POLQ: variants seen among roughly 807,000 people sequenced by gnomAD.
POLQ encodes the protein DNA polymerase theta, also known as epididymis secretory sperm binding protein.
Under a neutral mutation model 259.2 loss-of-function variants are expected in POLQ, and 233 were observed. The ratio of observed to expected loss-of-function variants is 0.90; its 90% CI spans 0.81 to 1.00. The LOEUF is 1.00. Ranked by LOEUF, POLQ falls within the 50% of genes least tolerant of loss-of-function variation. POLQ has a pLI of 0.00. For missense variants in POLQ, 2,871 were observed against 3,051.6 expected (o/e 0.94, Z 1.39); for synonymous variants, 1,025 against 1,048.8 (o/e 0.98, Z 0.44).
intron 20 of POLQ, among the ~76,000 whole-genome samples, 173 bp downstream of exon 20, chr3:121,476,367 A>G (rs759565094): frequency 1.3e-5 from 2 of 152,148 alleles, no homozygotes; most frequent in Non-Finnish European, 2.9e-5. Context: ...AAATACAGAT[A>G]TAATTTACAA....
At position 121,489,121 on chromosome 3, in the gene POLQ, T is replaced by C. The variant is rs147722646; in HGVS notation, c.3810A>G (p.Pro1270=). The change falls in exon 16 of 30, where the codon CCA becomes CCG. Residue 1270 remains proline (P), a synonymous_variant. Transcript: ENST00000264233. ...SRTVIPSEVL[P]SAGAFSKSEG... is the part of the protein sequence containing the mutation. ...CTGATTTGCTAAATGCTCCAGCTGA[T>C]GGAAGTACTTCACTGGGTATCACAG... 1.1e-5 allele frequency: 18 copies of C among 1,613,768 alleles called. No homozygotes were observed. The African/African-American group carries it at 2.3e-4, about 20-fold the overall frequency.
In POLQ at chr3:121,496,863, A is replaced by C. The variant is rs1438074169; in HGVS notation, c.2223T>G (p.Tyr741Ter). 1.9e-6 allele frequency: 3 copies of C among 1,613,870 alleles called. No individual in the cohort carries two copies. Among genetic ancestry groups the C allele is most frequent in the Non-Finnish European group, 2.5e-6 (3 of 1,179,876 alleles). Residue 741 changes from tyrosine (Y) to a stop codon, truncating the protein, a stop_gained, in exon 14 of 30, where the codon TAT becomes TAG. Coordinates refer to ENST00000264233, the MANE Select transcript of POLQ (RefSeq NM_199420.4). LOFTEE classifies it high-confidence loss of function. The part of the protein sequence containing the change: ...EVPLREINQK[Y>*]GCNRGQIQSL... ...ATTGAATCTGCCCACGATTGCATCC[A>C]TATTTCTGATTTATTTCCCTTAAGG...
chr3:121,443,579 C>T (rs1048026838), intron 26 of POLQ, among the ~76,000 whole-genome samples: 1 of 152,092 alleles, frequency 6.6e-6, no homozygotes, highest in African/African-American at 2.4e-5. Context: ...GTTTCCTTTG[C>T]TGTGCAGTTT....
chr3:121,480,989 T>C lies in POLQ; in HGVS notation c.6211+583A>G, dbSNP rs1001584840. Among the ~76,000 whole-genome samples the C allele has an allele frequency of 3.9e-5, 6 of 152,310 alleles. No individual in the cohort carries two copies. In the East Asian group the frequency reaches 5.8e-4, roughly 15 times the overall value. ...CCATAAGCATCCGTTAAGCTCTCTG[T>C]AGTCAGGGTGCTTGATCTGGGCCAG... On this transcript the variant is annotated intron_variant, in intron 19 of 29. Coordinates refer to ENST00000264233, the MANE Select transcript of POLQ (RefSeq NM_199420.4).
chr3:121,539,468 T>C lies in POLQ; in HGVS notation c.596A>G (p.Asn199Ser). The C allele has an allele frequency of 6.2e-7, 1 of 1,610,972 alleles. No homozygotes were observed. The highest frequency in any genetic ancestry group is 1.1e-5 in the South Asian group (1 of 90,094). ...CTIERANGLI[N>S]RLIEENKMDL... ...CATCTTATTTTCCTCTATGAGGCGA[T>C]TGATCAGACCATTGGCTCTCTCAAT... is the stretch of plus-strand genomic sequence containing the variant. The change falls in exon 4 of 30, where the codon AAT becomes AGT. Residue 199 changes from asparagine to serine, a missense_variant. Asn to Ser is a conservative substitution (Grantham distance 46, BLOSUM62 1). Around this residue, in one of 3 missense-constraint regions of POLQ, gnomAD observed 783 missense variants for 906.2 expected, o/e 0.86. Coordinates refer to ENST00000264233, the MANE Select transcript of POLQ (RefSeq NM_199420.4).
At chr3:121,516,073 C>A (rs534030998) in intron 9 of POLQ, among the ~76,000 whole-genome samples, 1 of 151,566 alleles carries the variant, frequency 6.6e-6, no homozygotes, top group South Asian at 2.1e-4. Flanking sequence ...CTCAATCAAG[C>A]AGAAGAGAGA....
chr3:121,542,196 T>C (rs1321789461), intron 2 of POLQ, among the ~76,000 whole-genome samples: 1 of 149,040 alleles, frequency 6.7e-6, no homozygotes. Flanking sequence ...CTTATGGAAA[T>C]GAAACAGAAT....
At chr3:121,495,871 A>AC (rs1347249092) in intron 14 of POLQ, among the ~76,000 whole-genome samples, 1 of 150,698 alleles carries the variant, frequency 6.6e-6, no homozygotes, top group East Asian at 2.0e-4. Context: ...AAAAAAAAAA[A>AC]AGAGTGAGTG....
intron 28 of POLQ, among the ~76,000 whole-genome samples, chr3:121,435,284 C>T (rs1282081841): frequency 1.3e-5 from 2 of 151,910 alleles, no homozygotes; most frequent in African/African-American, 4.8e-5. Context: ...CTTGTTAGTA[C>T]AAGAAATAAT....
rs1560085547 is a variant in POLQ at position 121,447,473 on chromosome 3, CT to C, written c.7264+1841del. 4.6e-5 allele frequency among the ~76,000 whole-genome samples: 7 copies of C among 152,094 alleles called. No individual in the cohort carries two copies. The South Asian group carries it at 1.5e-3, about 32-fold the overall frequency. Reference sequence around the variant, plus strand: ...CCACCGCGCCTGGCCCACTTTTTAACTTTTTTGTTGTTTATATTTATATCGT... The same window carrying C: ...CCACCGCGCCTGGCCCACTTTTTAACTTTTTGTTGTTTATATTTATATCGT... On this transcript the variant is annotated intron_variant, in intron 26 of 29. Transcript: ENST00000264233.
chr3:121,528,694 T>C (rs2048389451), intron 7 of POLQ, among the ~76,000 whole-genome samples: 1 of 152,104 alleles, frequency 6.6e-6, no homozygotes, highest in Admixed American at 6.5e-5. Flanking sequence ...GGCTCATGCC[T>C]GTAATCCCAG....
intron 25 of POLQ, among the ~76,000 whole-genome samples, chr3:121,451,605 T>C (rs1006408797): frequency 5.9e-5 from 9 of 152,234 alleles, no homozygotes; most frequent in Non-Finnish European, 8.8e-5. Context: ...GAACAGTGAA[T>C]ATTGCTGACC....
intron 10 of POLQ, 100 bp from the exon 11 acceptor site, chr3:121,510,343 C>A: frequency 1.3e-6 from 1 of 741,266 alleles, no homozygotes; most frequent in South Asian, 1.7e-5. Context: ...TTTGGGAGTC[C>A]GAGGCGGGCG....
intron 4 of POLQ, among the ~76,000 whole-genome samples, chr3:121,537,650 C>T (rs187685588): frequency 4.6e-5 from 7 of 152,120 alleles, no homozygotes; most frequent in Admixed American, 2.6e-4. Context: ...TTTATGACTG[C>T]GCCAAGAAGA....
Position 121,488,102 on chromosome 3 carries a change from TCTC to T in POLQ, c.4826_4828del (p.Gly1609del). The T allele has an allele frequency of 6.2e-7, 1 of 1,613,714 alleles. No homozygotes were observed. Among genetic ancestry groups the T allele is most frequent in the Non-Finnish European group, 8.5e-7 (1 of 1,179,846 alleles). On this transcript the variant is annotated inframe_deletion, in exon 16 of 30. Coordinates refer to ENST00000264233, the MANE Select transcript of POLQ (RefSeq NM_199420.4). ...TGATTTTTCAGCCCTTTCATCTTGA[TCTC>T]CTCCATCTTGATCACCTTGGTGGTG...
Position 121,539,527 on chromosome 3 carries a change from C to G in POLQ, c.537G>C (p.Arg179Ser). 6.2e-7 allele frequency: 1 copy of G among 1,612,322 alleles called. No homozygotes were observed. The highest frequency in any genetic ancestry group is 8.5e-7 in the Non-Finnish European group (1 of 1,178,370). Residue 179 changes from arginine (R) to serine (S), a missense_variant, in exon 4 of 30, where the codon AGG (arginine) becomes AGC (serine). Around this residue, in one of 3 missense-constraint regions of POLQ, gnomAD observed 783 missense variants for 906.2 expected, o/e 0.86. Coordinates refer to ENST00000264233, the MANE Select transcript of POLQ (RefSeq NM_199420.4). ...CTGCAATATCCAATGAAGAGAAATG[C>G]CTTGATGGAGAGGTGCTGCCCATAT... ...DGYMGSTSPSRHFSSLDIAVC... is the reference protein window; with the variant it reads ...DGYMGSTSPSSHFSSLDIAVC...
intron 20 of POLQ, 47 bp downstream of exon 20, chr3:121,476,493 T>C: frequency 7.4e-7 from 1 of 1,360,380 alleles, no homozygotes; most frequent in South Asian, 1.3e-5. Context: ...CACAATCATT[T>C]TAACTCTAAA....
In POLQ at chr3:121,488,646, A is replaced by G. The variant is rs752353027; in HGVS notation, c.4285T>C (p.Phe1429Leu). 4 of 1,602,118 alleles carry G rather than the reference A, an allele frequency of 2.5e-6. No individual in the cohort carries two copies. Among genetic ancestry groups the G allele is most frequent in the South Asian group, 2.3e-5 (2 of 88,024 alleles). ...SPILLEENGL[F>L]LKKNEVSVTD... ...ACAGAAACTTCATTCTTTTTTAAAA[A>G]AAGACCATTTTCCTCCAATAGTATT... is the stretch of plus-strand genomic sequence containing the variant. Residue 1429 changes from phenylalanine (F) to leucine (L), a missense_variant, in exon 16 of 30, where the codon TTT (phenylalanine) becomes CTT (leucine). Around this residue, in one of 3 missense-constraint regions of POLQ, gnomAD observed 2,080 missense variants for 2,126.0 expected, o/e 0.98. Coordinates refer to ENST00000264233, the MANE Select transcript of POLQ (RefSeq NM_199420.4).
In POLQ at chr3:121,487,699, A is replaced by G. The variant is rs766247542; in HGVS notation, c.5232T>C (p.Ala1744=). Residue 1744 remains alanine (A), a synonymous_variant, in exon 16 of 30, where the codon GCT becomes GCC. Coordinates refer to ENST00000264233, the MANE Select transcript of POLQ (RefSeq NM_199420.4). The part of the protein sequence containing the change: ...LIPPTPIPTS[A]SKLTFPGILE... ...GAATCCCTGGAAATGTCAGCTTAGA[A>G]GCAGATGTTGGAATGGGTGTAGGAG... 5 of 1,613,938 alleles carry G rather than the reference A, an allele frequency of 3.1e-6. No individual in the cohort carries two copies. The East Asian group carries it at 6.7e-5, about 22-fold the overall frequency.
Sources: allele counts gnomAD v4.1 joint callset (sites outside exome capture counted in the v4.1 genomes callset), GRCh38; gene constraint gnomAD v4.1.1; regional missense constraint gnomAD v4.1.1; transcripts MANE v1.5; gene names NCBI Gene and HGNC (gene_info 2026-07-23, HGNC 2026-07-21).